CRCP: variants seen among roughly 807,000 people sequenced by gnomAD.
CRCP encodes CGRP receptor component.
CRCP carries 18 observed loss-of-function variants against 18.5 expected under a neutral mutation model. The ratio of observed to expected loss-of-function variants is 0.97; its 90% CI spans 0.67 to 1.44. The LOEUF is 1.44. Among genes scored for constraint, CRCP ranks in the 40% most tolerant of loss-of-function variants. The probability of loss-of-function intolerance (pLI) is 0.00; values close to 1 mark genes in which losing one functional copy is unlikely to be tolerated. For synonymous variants in CRCP, 53 were observed against 62.9 expected (o/e 0.84, Z 0.75); for missense variants, 130 against 176.4 (o/e 0.74, Z 1.49).
At chr7:66,134,416 A>G in intron 4 of CRCP, 42 bp downstream of exon 4, 1 of 1,317,738 alleles carries the variant, frequency 7.6e-7, no homozygotes, top group South Asian at 1.2e-5. Context: ...ACACATGGTG[A>G]AATGATAGTT....
intron 1 of CRCP, among the ~76,000 whole-genome samples, chr7:66,121,876 A>G (rs543407886): frequency 3.9e-5 from 6 of 152,322 alleles, no homozygotes; most frequent in Non-Finnish European, 8.8e-5. Flanking sequence ...CAACTCAGTA[A>G]CAGGACTGGA....
At chr7:66,149,130 CT>C (rs973172828) in intron 5 of CRCP, among the ~76,000 whole-genome samples, 10 of 152,164 alleles carry the variant, frequency 6.6e-5, no homozygotes, top group Non-Finnish European at 4.4e-5. Context: ...TTTATTTCCC[CT>C]TATGTTCTCA....
rs1332290302 is a variant in CRCP, at chr7:66,133,864, T to G, written c.145-416T>G. ...TTTTTTTCTTTTTTGTTTTCTTTTT[T>G]TTTTTTTTTTTTGAGACAGAGTCTC... On this transcript the variant is annotated intron_variant, in intron 3 of 5. Coordinates refer to ENST00000395326, the MANE Select transcript of CRCP (RefSeq NM_014478.5). 1.1e-4 allele frequency among the ~76,000 whole-genome samples: 16 copies of G among 146,642 alleles called. No homozygotes were observed. In the East Asian group the frequency reaches 2.8e-3, roughly 26 times the overall value.
chr7:66,153,099 G>A lies in CRCP; in HGVS notation c.*742G>A, dbSNP rs569521772. On this transcript the variant is annotated 3_prime_UTR_variant, in exon 6 of 6. Coordinates refer to ENST00000395326, the MANE Select transcript of CRCP (RefSeq NM_014478.5). ...GGGCAGGTGCTTCATATTCAGACCAGGTAAGCCTCATTTGCACAACAGTCA... is the reference window on the plus strand; with the variant it reads ...GGGCAGGTGCTTCATATTCAGACCAAGTAAGCCTCATTTGCACAACAGTCA... The A allele has an allele frequency of 6.5e-6, 1 of 153,084 alleles. No individual in the cohort carries two copies. Among genetic ancestry groups the A allele is most frequent in the South Asian group, 2.1e-4 (1 of 4,826 alleles). The allele number at this position is 153,084 out of a possible 1,614,324, so 9.5% of individuals were successfully genotyped here.
In CRCP at chr7:66,120,743, A is replaced by G. The variant is rs457511; in HGVS notation, c.8+5773A>G. Reference sequence around the variant, plus strand: ...GCAGGTTCCACATCTGCAACCAAACACAGAGAATGAAAATATAGTATTTGA... The same window carrying G: ...GCAGGTTCCACATCTGCAACCAAACGCAGAGAATGAAAATATAGTATTTGA... On this transcript the variant is annotated intron_variant, in intron 1 of 5. Coordinates refer to ENST00000395326, the MANE Select transcript of CRCP (RefSeq NM_014478.5). 1.4e-4 allele frequency: 21 copies of G among 152,256 alleles called. No homozygotes were observed. In the East Asian group the frequency reaches 2.1e-3, roughly 15 times the overall value. 9.4% of individuals were successfully genotyped at this position (152,256 alleles called of 1,614,324 possible). A position where few individuals can be genotyped will look rare whatever the true frequency, so the allele number is the denominator to read the frequency against.
chr7:66,139,276 G>A (rs977504303), intron 4 of CRCP, among the ~76,000 whole-genome samples: 2 of 152,150 alleles, frequency 1.3e-5, no homozygotes, highest in Non-Finnish European at 2.9e-5. Flanking sequence ...CCGTTATCAA[G>A]CCTACCAGTG....
chr7:66,128,476 G>A (rs1787684401), intron 2 of CRCP, among the ~76,000 whole-genome samples: 1 of 151,920 alleles, frequency 6.6e-6, no homozygotes, highest in Admixed American at 6.6e-5. Flanking sequence ...ATAGTCTTAT[G>A]GGTATTAACA....
intron 1 of CRCP, among the ~76,000 whole-genome samples, chr7:66,121,908 C>T (rs906026212): frequency 2.0e-5 from 3 of 152,206 alleles, no homozygotes; most frequent in Admixed American, 2.0e-4. Flanking sequence ...CATTTGCTAG[C>T]TCCCAAGAGA....
At chr7:66,143,267 T>G (rs1233326269) in intron 4 of CRCP, among the ~76,000 whole-genome samples, 3 of 152,216 alleles carry the variant, frequency 2.0e-5, no homozygotes, top group Admixed American at 1.3e-4. Flanking sequence ...CTCCATTTTC[T>G]TGGGTCTTCC....
rs372274097 is a variant in CRCP, at chr7:66,129,161, G to A, written c.45+1421G>A. Among the ~76,000 whole-genome samples, 11 of 152,054 alleles carry A rather than the reference G, an allele frequency of 7.2e-5. No homozygotes were observed. The East Asian group carries it at 7.8e-4, about 11-fold the overall frequency. ...ATCCTGGCTAACACGGTGAAACCCC[G>A]TCTCTACTAAAAATACAAAAAATTA... On this transcript the variant is annotated intron_variant, in intron 2 of 5. Transcript: ENST00000395326.
intron 1 of CRCP, among the ~76,000 whole-genome samples, chr7:66,118,948 CTCTG>C (rs1236704024): frequency 1.3e-5 from 2 of 152,182 alleles, no homozygotes; most frequent in African/African-American, 4.8e-5. Context: ...AAAACAGAAG[CTCTG>C]TCTGTCTCTT....
intron 4 of CRCP, among the ~76,000 whole-genome samples, chr7:66,143,827 T>C (rs1301873514): frequency 6.6e-6 from 1 of 152,196 alleles, no homozygotes; most frequent in Non-Finnish European, 1.5e-5. Context: ...TAGTTCCACA[T>C]GGAAAGCAAG....
intron 2 of CRCP, among the ~76,000 whole-genome samples, chr7:66,128,272 ACT>A (rs1787675703): frequency 6.6e-6 from 1 of 152,080 alleles, no homozygotes; most frequent in Non-Finnish European, 1.5e-5. Flanking sequence ...AGCTGGGAAG[ACT>A]CTATTTTAGA....
chr7:66,151,747 C>CTT lies in CRCP; in HGVS notation c.298-458_298-457dup, dbSNP rs1260395389. On this transcript the variant is annotated intron_variant, in intron 5 of 5. Coordinates refer to ENST00000395326, the MANE Select transcript of CRCP (RefSeq NM_014478.5). ...TATAACTTAGCTTTTTCCTTTTTTT[C>CTT]TTTTCTTTTTTTTTTTTTTTTTTTA... 1.1e-4 allele frequency among the ~76,000 whole-genome samples: 6 copies of CTT among 55,422 alleles called. 1 individual carries two copies. The highest frequency in any genetic ancestry group is 2.1e-4 in the African/African-American group (3 of 14,214). The allele number at this position is 55,422 out of a possible 152,430, so 36.4% of individuals were successfully genotyped here. A position where few individuals can be genotyped will look rare whatever the true frequency, so the allele number is the denominator to read the frequency against.
intron 3 of CRCP, among the ~76,000 whole-genome samples, chr7:66,133,718 A>G (rs1787881969): frequency 6.6e-6 from 1 of 151,550 alleles, no homozygotes; most frequent in East Asian, 1.9e-4. Context: ...TGAGATCAGA[A>G]AAGTTTTCTC....
At chr7:66,134,143 A>C in intron 3 of CRCP, 137 bp from the exon 4 acceptor site, 1 of 646,702 alleles carries the variant, frequency 1.5e-6, no homozygotes, top group Non-Finnish European at 2.7e-6. Flanking sequence ...TACAGGTGTG[A>C]GCCACCGTGC....
chr7:66,127,947 C>T (rs533573075), intron 2 of CRCP, among the ~76,000 whole-genome samples: 1 of 151,850 alleles, frequency 6.6e-6, no homozygotes, highest in Non-Finnish European at 1.5e-5. Flanking sequence ...CCAGTCTCTA[C>T]TAAAAAATAC....
intron 1 of CRCP, among the ~76,000 whole-genome samples, chr7:66,121,398 A>G (rs960069090): frequency 6.6e-6 from 1 of 152,040 alleles, no homozygotes; most frequent in Non-Finnish European, 1.5e-5. Context: ...TTGATTGACA[A>G]TTTAAAAATA....
At chr7:66,138,794 A>G (rs1788049517) in intron 4 of CRCP, among the ~76,000 whole-genome samples, 1 of 150,740 alleles carries the variant, frequency 6.6e-6, no homozygotes, top group African/African-American at 2.4e-5. Context: ...CTCCGTCTCA[A>G]AAAAAAAAAA....
Sources: gnomAD v4.1 joint callset for allele counts (sites outside exome capture counted in the v4.1 genomes callset) on GRCh38, gnomAD v4.1.1 for gene constraint, MANE v1.5 for transcripts, NCBI Gene and HGNC (gene_info 2026-07-23, HGNC 2026-07-21) for gene names.